The following SHOC2 variants were observed in gnomAD, a reference collection of about 807,000 sequenced individuals.
SHOC2 encodes the protein SHOC2 leucine rich repeat scaffold protein, also known as leucine-rich repeat protein SHOC-2.
In SHOC2, 4 loss-of-function variants were observed where a neutral mutation model predicts 50.2. The observed-to-expected ratio is 0.08, with a 90% CI of 0.04 to 0.18. SHOC2 has a LOEUF of 0.18. Among genes scored for constraint, SHOC2 ranks in the 10% least tolerant of loss-of-function variants. The pLI is 1.00. For missense variants in SHOC2, 388 were observed against 669.6 expected (o/e 0.58, Z 4.64); for synonymous variants, 218 against 244.5 (o/e 0.89, Z 1.01).
chr10:111,006,090 G>C (rs953257632), intron 5 of SHOC2, among the ~76,000 whole-genome samples: 1 of 152,126 alleles, frequency 6.6e-6, no homozygotes, highest in Non-Finnish European at 1.5e-5. Context: ...TGTAGTAATA[G>C]GCTTAAAACA....
At chr10:110,979,928 G>A (rs1847943122) in intron 2 of SHOC2, among the ~76,000 whole-genome samples, 1 of 152,076 alleles carries the variant, frequency 6.6e-6, no homozygotes, top group Non-Finnish European at 1.5e-5. Flanking sequence ...CTACTCACTA[G>A]ACAGGTACTG....
chr10:110,994,122 A>G (rs1008073726), intron 3 of SHOC2, among the ~76,000 whole-genome samples: 3 of 151,384 alleles, frequency 2.0e-5, no homozygotes, highest in African/African-American at 4.8e-5. Context: ...TTTTTTTTTT[A>G]AAGGTTAGCT....
Position 110,934,551 on chromosome 10 carries a change from A to G in SHOC2, c.-235+14894A>G, listed in dbSNP as rs140380394. Among the ~76,000 whole-genome samples, 720 of 152,316 alleles carry G rather than the reference A, an allele frequency of 4.7e-3. 5 individuals carry two copies. Among genetic ancestry groups the G allele is most frequent in the African/African-American group, 0.016 (683 of 41,580 alleles). ...GTACCATAATTTAGTCTATTGATGTACATTAGGTTATTTCTAATATTTTGC... is the reference window on the plus strand; with the variant it reads ...GTACCATAATTTAGTCTATTGATGTGCATTAGGTTATTTCTAATATTTTGC... On this transcript the variant is annotated intron_variant, in intron 1 of 8. Coordinates refer to ENST00000369452, the MANE Select transcript of SHOC2 (RefSeq NM_007373.4).
At chr10:110,920,784 A>T (rs929936446) in intron 1 of SHOC2, among the ~76,000 whole-genome samples, 1 of 152,220 alleles carries the variant, frequency 6.6e-6, no homozygotes, top group Non-Finnish European at 1.5e-5. Flanking sequence ...GTCTCTGGGG[A>T]TGCTGAAGCA....
At chr10:111,003,297 G>A (rs576400887) in intron 4 of SHOC2, among the ~76,000 whole-genome samples, 3 of 152,272 alleles carry the variant, frequency 2.0e-5, no homozygotes, top group African/African-American at 7.2e-5. Context: ...TACAGTGCTT[G>A]CTTCTCCCTG....
intron 6 of SHOC2, 63 bp from the exon 7 acceptor site, chr10:111,009,185 C>T: frequency 1.7e-6 from 2 of 1,169,766 alleles, no homozygotes; most frequent in South Asian, 1.3e-5. Flanking sequence ...TTTTAAGCCA[C>T]ACAATGACAG....
intron 8 of SHOC2, 133 bp from the exon 9 acceptor site, chr10:111,011,477 T>G (rs1222735522): frequency 1.5e-6 from 1 of 681,468 alleles, no homozygotes; most frequent in Non-Finnish European, 2.5e-6. Flanking sequence ...GTTGTAGAGT[T>G]TTAAAGCTAA....
At chr10:110,937,251 GA>G in intron 1 of SHOC2, 2 of 968,088 alleles carry the variant, frequency 2.1e-6, no homozygotes, top group Non-Finnish European at 3.3e-6. Flanking sequence ...TGCCCCTTGG[GA>G]AAGCTGCTTT....
chr10:110,965,562 A>AT (rs397845551), intron 2 of SHOC2, among the ~76,000 whole-genome samples: 5 of 151,562 alleles, frequency 3.3e-5, no homozygotes, highest in Admixed American at 6.6e-5. Flanking sequence ...TAGAAAAAAA[A>AT]TTTTTTTTTG....
chr10:110,961,078 A>G (rs1847562904), intron 1 of SHOC2, among the ~76,000 whole-genome samples: 1 of 152,170 alleles, frequency 6.6e-6, no homozygotes, highest in Non-Finnish European at 1.5e-5. Flanking sequence ...GTGGAGGTGA[A>G]TAAAAGAGTC....
At chr10:110,947,380 G>T (rs1430910169) in intron 1 of SHOC2, among the ~76,000 whole-genome samples, 1 of 152,232 alleles carries the variant, frequency 6.6e-6, no homozygotes, top group African/African-American at 2.4e-5. Context: ...GGAATCTCTG[G>T]ACAGGCTGAC....
At chr10:110,983,381 T>C (rs1437656653) in intron 2 of SHOC2, among the ~76,000 whole-genome samples, 1 of 152,156 alleles carries the variant, frequency 6.6e-6, no homozygotes, top group African/African-American at 2.4e-5. Context: ...TTTATCTTTT[T>C]CTGTTTTCTT....
intron 3 of SHOC2, among the ~76,000 whole-genome samples, chr10:110,999,381 TGTC>T (rs1314991897): frequency 2.0e-5 from 3 of 152,172 alleles, no homozygotes; most frequent in African/African-American, 7.2e-5. Flanking sequence ...TGATAGCAGA[TGTC>T]ATTATATTCA....
intron 1 of SHOC2, among the ~76,000 whole-genome samples, chr10:110,963,446 T>G (rs1460261509): frequency 6.6e-6 from 1 of 152,198 alleles, no homozygotes; most frequent in African/African-American, 2.4e-5. Flanking sequence ...AAGTACAGAT[T>G]ATTAATGCCC....
At chr10:110,930,832 CT>C (rs1241536465) in intron 1 of SHOC2, among the ~76,000 whole-genome samples, 2 of 139,722 alleles carry the variant, frequency 1.4e-5, no homozygotes, top group African/African-American at 2.6e-5. Flanking sequence ...TATCTTAGTA[CT>C]TTTGAGACTT....
intron 2 of SHOC2, among the ~76,000 whole-genome samples, chr10:110,974,182 CAA>C (rs1390173877): frequency 6.6e-6 from 1 of 151,996 alleles, no homozygotes; most frequent in Non-Finnish European, 1.5e-5. Context: ...TAGCAGCACA[CAA>C]ATTTTGGCAG....
chr10:110,990,153 T>C (rs4917590), intron 3 of SHOC2, among the ~76,000 whole-genome samples: 34,659 of 152,318 alleles, frequency 0.23, 6,623 homozygotes, highest in East Asian at 0.54. Flanking sequence ...GGCGAGCGCA[T>C]GGCGCGGGAC....
intron 1 of SHOC2, among the ~76,000 whole-genome samples, chr10:110,959,108 C>T (rs954533723): frequency 1.5e-4 from 23 of 152,120 alleles, no homozygotes; most frequent in African/African-American, 5.6e-4. Flanking sequence ...ATTTATTATA[C>T]ATTTTATGTT....
Position 111,012,021 on chromosome 10 carries a change from G to C in SHOC2, c.*203G>C. On this transcript the variant is annotated 3_prime_UTR_variant, in exon 9 of 9. Transcript: ENST00000369452. ...AAGGCTTATATAAGTTTTCTTTGCTGAATTTGATGGATGTTTTTCTGTTGT... is the reference window on the plus strand; with the variant it reads ...AAGGCTTATATAAGTTTTCTTTGCTCAATTTGATGGATGTTTTTCTGTTGT... 1 of 571,264 alleles carries C rather than the reference G, an allele frequency of 1.8e-6. No homozygotes were observed. The highest frequency in any genetic ancestry group is 3.1e-6 in the Non-Finnish European group (1 of 323,524). 35.4% of individuals were successfully genotyped at this position (571,264 alleles called of 1,614,324 possible).
Sources: allele counts gnomAD v4.1 joint callset (sites outside exome capture counted in the v4.1 genomes callset), GRCh38; gene constraint gnomAD v4.1.1; transcripts MANE v1.5; gene names NCBI Gene and HGNC (gene_info 2026-07-23, HGNC 2026-07-21).